The following TRPC7 variants were observed in gnomAD, a reference collection of about 807,000 sequenced individuals.
The protein encoded by TRPC7 is transient receptor potential cation channel subfamily C member 7.
In TRPC7, 42 loss-of-function variants were observed where a neutral mutation model predicts 90.1. The ratio of observed to expected loss-of-function variants is 0.47; its 90% CI spans 0.36 to 0.60. The LOEUF (loss-of-function observed/expected upper bound fraction) is 0.60. Ranked by LOEUF, TRPC7 falls within the 20% of genes least tolerant of loss-of-function variation. TRPC7 has a pLI of 0.00. For missense variants in TRPC7, 955 were observed against 1,112.3 expected (o/e 0.86, Z 2.01); for synonymous variants, 451 against 436.3 (o/e 1.03, Z -0.42).
At chr5:136,300,718 C>A (rs890508027) in intron 3 of TRPC7, among the ~76,000 whole-genome samples, 1 of 152,192 alleles carries the variant, frequency 6.6e-6, no homozygotes, top group Non-Finnish European at 1.5e-5. Context: ...CTAGGGCCAG[C>A]CTGGAACATC....
chr5:136,219,237 T>A (rs1755373864), intron 10 of TRPC7, among the ~76,000 whole-genome samples: 1 of 152,234 alleles, frequency 6.6e-6, no homozygotes, highest in South Asian at 2.1e-4. Flanking sequence ...AGCACTGGCA[T>A]GCTCGATCTG....
chr5:136,351,645 CCTT>C (rs1283023708), intron 2 of TRPC7, among the ~76,000 whole-genome samples: 1 of 152,140 alleles, frequency 6.6e-6, no homozygotes, highest in African/African-American at 2.4e-5. Flanking sequence ...CAAAGTCACT[CCTT>C]CTCCTCACTC....
At chr5:136,243,965 A>G (rs999312919) in intron 7 of TRPC7, among the ~76,000 whole-genome samples, 47 of 151,810 alleles carry the variant, frequency 3.1e-4, no homozygotes, top group African/African-American at 1.1e-3. Context: ...TCTTGTGTCT[A>G]GGAAATCTTC....
chr5:136,279,133 G>A (rs1037291327), intron 3 of TRPC7, among the ~76,000 whole-genome samples: 1 of 152,066 alleles, frequency 6.6e-6, no homozygotes, highest in Non-Finnish European at 1.5e-5. Flanking sequence ...AGAGCTCTCT[G>A]TTCCTGTATG....
At chr5:136,347,333 G>A (rs1156682603) in intron 2 of TRPC7, among the ~76,000 whole-genome samples, 1 of 152,180 alleles carries the variant, frequency 6.6e-6, no homozygotes, top group Non-Finnish European at 1.5e-5. Context: ...ATTGCACCCA[G>A]TCTCTTCTTG....
intron 3 of TRPC7, among the ~76,000 whole-genome samples, chr5:136,287,406 G>C (rs1225997512): frequency 1.3e-5 from 2 of 151,892 alleles, no homozygotes; most frequent in African/African-American, 4.8e-5. Context: ...AAGGGGAGTG[G>C]GGTTTGAATG....
chr5:136,324,364 G>C (rs747373918), intron 2 of TRPC7, among the ~76,000 whole-genome samples: 1 of 152,102 alleles, frequency 6.6e-6, no homozygotes, highest in Non-Finnish European at 1.5e-5. Flanking sequence ...ACAAAATTTT[G>C]TCAACAATTT....
chr5:136,247,469 A>C lies in TRPC7; in HGVS notation c.1844+2T>G. 6.2e-7 allele frequency: 1 copy of C among 1,606,970 alleles called. No individual in the cohort carries two copies. Among genetic ancestry groups the C allele is most frequent in the Non-Finnish European group, 8.5e-7 (1 of 1,175,384 alleles). ...CTCAGGGGAAAGCTCTCAGATACTC[A>C]CGTTGTAAACGCTGGGTTGTATTTG... On this transcript the variant is annotated splice_donor_variant, in intron 7 of 11. Transcript: ENST00000513104. LOFTEE classifies it high-confidence loss of function. This position sits in a 1 kb window ranked among gnomAD's most constrained non-coding sequence, Gnocchi z 4.2.
chr5:136,311,360 G>A (rs989166299), intron 3 of TRPC7, among the ~76,000 whole-genome samples: 3 of 152,128 alleles, frequency 2.0e-5, no homozygotes, highest in African/African-American at 7.2e-5. Flanking sequence ...TGAGTAGAGT[G>A]CCAACAACTC....
In TRPC7 at chr5:136,258,429, A is replaced by G. The variant is rs115961770; in HGVS notation, c.1346-6547T>C. 2.0e-3 allele frequency among the ~76,000 whole-genome samples: 303 copies of G among 152,294 alleles called. 1 individual carries two copies. The highest frequency in any genetic ancestry group is 6.6e-3 in the African/African-American group (276 of 41,556). On this transcript the variant is annotated intron_variant, in intron 5 of 11. Transcript: ENST00000513104. The stretch of plus-strand genomic sequence containing the variant: ...ATGGCCTTTTGCCTCCAGCATGTCA[A>G]TCACAGGAGTGTTTAGAGCCCAGGG...
chr5:136,253,454 C>T (rs1478424781), intron 5 of TRPC7, among the ~76,000 whole-genome samples: 1 of 152,044 alleles, frequency 6.6e-6, no homozygotes, highest in Non-Finnish European at 1.5e-5. Flanking sequence ...TTCCCAATAA[C>T]GTGCTCACTT....
intron 10 of TRPC7, among the ~76,000 whole-genome samples, chr5:136,220,494 T>C (rs375234943): frequency 1.3e-5 from 2 of 152,158 alleles, no homozygotes; most frequent in Admixed American, 1.3e-4. Flanking sequence ...TGCAGTACCC[T>C]CAGGCTTATT....
chr5:136,258,269 G>A (rs1561690799), intron 5 of TRPC7, among the ~76,000 whole-genome samples: 1 of 152,162 alleles, frequency 6.6e-6, no homozygotes, highest in Admixed American at 6.5e-5. Context: ...AGTAACATGG[G>A]CCCAAGGGTT....
chr5:136,354,726 C>T (rs2149860067), intron 2 of TRPC7, among the ~76,000 whole-genome samples: 1 of 152,344 alleles, frequency 6.6e-6, no homozygotes, highest in Non-Finnish European at 1.5e-5. Flanking sequence ...TCAGCCTGAC[C>T]TGCTGGGTCC....
At chr5:136,293,086 T>C (rs1181436396) in intron 3 of TRPC7, among the ~76,000 whole-genome samples, 3 of 152,230 alleles carry the variant, frequency 2.0e-5, no homozygotes. Flanking sequence ...TTTGGCAAAA[T>C]TCAACAACCC....
chr5:136,306,707 GCCCCAC>G (rs1240569154), intron 3 of TRPC7, among the ~76,000 whole-genome samples: 4 of 151,990 alleles, frequency 2.6e-5, no homozygotes, highest in Non-Finnish European at 5.9e-5. Flanking sequence ...ATTTGTTTCT[GCCCCAC>G]CCTAACTGAT....
intron 8 of TRPC7, among the ~76,000 whole-genome samples, chr5:136,231,009 A>C (rs1755796498): frequency 6.6e-6 from 1 of 152,216 alleles, no homozygotes; most frequent in Non-Finnish European, 1.5e-5. Flanking sequence ...CTTAATAAAT[A>C]ACACGTGAGA....
Position 136,273,800 on chromosome 5 carries a change from T to C in TRPC7, c.1128+873A>G, listed in dbSNP as rs186537473. 1.1e-4 allele frequency among the ~76,000 whole-genome samples: 17 copies of C among 152,360 alleles called. No individual in the cohort carries two copies. The South Asian group carries it at 1.7e-3, about 15-fold the overall frequency. On this transcript the variant is annotated intron_variant, in intron 4 of 11. Transcript: ENST00000513104. ...TAGGTAAATGCAGCTTTGGAACCTTTAGTGACAATCTTAAACCCATGAAAC... is the reference window on the plus strand; with the variant it reads ...TAGGTAAATGCAGCTTTGGAACCTTCAGTGACAATCTTAAACCCATGAAAC...
intron 4 of TRPC7, among the ~76,000 whole-genome samples, chr5:136,269,581 G>A (rs769878865): frequency 1.4e-4 from 21 of 152,142 alleles, no homozygotes; most frequent in Non-Finnish European, 2.8e-4. Flanking sequence ...AGTCTCCTTC[G>A]CCAAATGCCA....
Sources: allele counts gnomAD v4.1 joint callset (sites outside exome capture counted in the v4.1 genomes callset), GRCh38; gene constraint gnomAD v4.1.1; non-coding constraint Gnocchi (gnomAD v3.1); transcripts MANE v1.5; gene names NCBI Gene and HGNC (gene_info 2026-07-23, HGNC 2026-07-21).